CCL25: variants seen among roughly 807,000 people sequenced by gnomAD.
CCL25 encodes the protein C-C motif chemokine ligand 25, also known as C-C motif chemokine 25.
Under a neutral mutation model 19.9 loss-of-function variants are expected in CCL25, and 14 were observed. That is an observed-to-expected ratio of 0.70 (90% CI 0.47 to 1.10). The LOEUF is 1.10. CCL25 is among the 50% of genes least tolerant of loss of function. The pLI is 0.00. For synonymous variants in CCL25, 68 were observed against 73.2 expected (o/e 0.93, Z 0.36); for missense variants, 151 against 181.2 (o/e 0.83, Z 0.96).
chr19:8,060,256 A>T (rs546758323), intron 5 of CCL25, among the ~76,000 whole-genome samples: 45 of 152,050 alleles, frequency 3.0e-4, no homozygotes, highest in African/African-American at 1.1e-3. Flanking sequence ...TGAGAGGATT[A>T]CTTGAGCCCA....
In CCL25 at chr19:8,058,256, A is replaced by C. The variant is rs12461164; in HGVS notation, c.445+336A>C. The stretch of plus-strand genomic sequence containing the variant: ...ACATTGTGTGTGTGTGTCTCTCTCT[A>C]TATATACATATAAAATATATATAAG... On this transcript the variant is annotated intron_variant, in intron 5 of 5. Coordinates refer to ENST00000315626, the MANE Select transcript of CCL25 (RefSeq NM_005624.4). Among the ~76,000 whole-genome samples the C allele has an allele frequency of 6.0e-3, 872 of 144,886 alleles. 6 individuals are homozygous for C. The highest frequency in any genetic ancestry group is 8.9e-3 in the Non-Finnish European group (593 of 66,888).
chr19:8,052,429 G>A (rs917667519), upstream of CCL25, among the ~76,000 whole-genome samples: 2 of 151,996 alleles, frequency 1.3e-5, no homozygotes, highest in African/African-American at 2.4e-5. Context: ...TGGCTTGAGG[G>A]CGGGGGGAGC....
At chr19:8,056,308 A>C (rs2081271963) in intron 3 of CCL25, 39 bp downstream of exon 3, 1 of 1,604,662 alleles carries the variant, frequency 6.2e-7, no homozygotes, top group South Asian at 1.1e-5. Flanking sequence ...TGGGGTGCAC[A>C]CACAGCCTTG....
At chr19:8,053,611 C>T (rs1216310724) in intron 2 of CCL25, among the ~76,000 whole-genome samples, 7 of 148,870 alleles carry the variant, frequency 4.7e-5, no homozygotes, top group African/African-American at 1.5e-4. Context: ...TGCAGTGGCG[C>T]GATCTTGGCT....
intron 5 of CCL25, among the ~76,000 whole-genome samples, chr19:8,060,082 C>G (rs2081307248): frequency 6.6e-6 from 1 of 151,382 alleles, no homozygotes; most frequent in Admixed American, 6.6e-5. Flanking sequence ...GAGCGAGACT[C>G]TGTCTCTAAA....
At chr19:8,059,979 C>T (rs565060728) in intron 5 of CCL25, among the ~76,000 whole-genome samples, 4 of 151,948 alleles carry the variant, frequency 2.6e-5, no homozygotes, top group Non-Finnish European at 4.4e-5. Context: ...GTCCCAGTTA[C>T]TCTGGAGGCT....
intron 5 of CCL25, among the ~76,000 whole-genome samples, chr19:8,058,668 T>A (rs572638711): frequency 0.071 from 6,805 of 95,766 alleles, 289 homozygotes; most frequent in Non-Finnish European, 0.094. Context: ...TTTATTATTA[T>A]TTTTTTTTGA....
In CCL25 at chr19:8,058,063, A is replaced by C. The variant is rs1272968330; in HGVS notation, c.445+143A>C. Reference sequence around the variant, plus strand: ...TGTGCGGTCAGTGCCGCAGATTCACAGGGGAGGGTCCTCGGTGGCTGTCCA... The same window carrying C: ...TGTGCGGTCAGTGCCGCAGATTCACCGGGGAGGGTCCTCGGTGGCTGTCCA... On this transcript the variant is annotated intron_variant, in intron 5 of 5. Coordinates refer to ENST00000315626, the MANE Select transcript of CCL25 (RefSeq NM_005624.4). 9.4e-6 allele frequency: 13 copies of C among 1,377,284 alleles called. No homozygotes were observed. The East Asian group carries it at 3.5e-4, about 37-fold the overall frequency. The allele number at this position is 1,377,284 out of a possible 1,614,324, so 85.3% of individuals were successfully genotyped here. A position where few individuals can be genotyped will look rare whatever the true frequency, so the allele number is the denominator to read the frequency against.
intron 2 of CCL25, among the ~76,000 whole-genome samples, chr19:8,055,780 C>T (rs2081266722): frequency 6.6e-6 from 1 of 152,134 alleles, no homozygotes; most frequent in Non-Finnish European, 1.5e-5. Context: ...TGCCAATCAG[C>T]TCATTTTTAG....
intron 5 of CCL25, among the ~76,000 whole-genome samples, chr19:8,058,248 C>G (rs12460270): frequency 1.5e-5 from 2 of 129,774 alleles, no homozygotes; most frequent in Non-Finnish European, 3.5e-5. Flanking sequence ...GTGTGTGTGT[C>G]TCTCTCTATA....
rs1046937509 is a variant in CCL25, at chr19:8,060,944, T to TGCTG, written c.446-1272_446-1269dup. On this transcript the variant is annotated intron_variant, in intron 5 of 5. Coordinates refer to ENST00000315626, the MANE Select transcript of CCL25 (RefSeq NM_005624.4). The stretch of plus-strand genomic sequence containing the variant: ...ATCCACCAGCCTCAGCCTCCCAAAG[T>TGCTG]GCTGGGATTACAGGTGTGAGCCACC... Among the ~76,000 whole-genome samples the TGCTG allele has an allele frequency of 8.6e-5, 13 of 151,064 alleles. No individual in the cohort carries two copies. In the Admixed American group the frequency reaches 8.6e-4, roughly 10 times the overall value.
Position 8,057,896 on chromosome 19 carries a change from T to C in CCL25, c.421T>C (p.Ser141Pro), listed in dbSNP as rs369179808. The change falls in exon 5 of 6, where the codon TCC (serine) becomes CCC (proline). Residue 141 changes from serine to proline, a missense_variant. By Grantham distance (74) the Ser-to-Pro change is moderately conservative (BLOSUM62 -1). Coordinates refer to ENST00000315626, the MANE Select transcript of CCL25 (RefSeq NM_005624.4). ...NPISSSKRNV[S>P]LLISANSGL Reference sequence around the variant, plus strand: ...CATCAGCAGCAGTAAGAGGAATGTCTCCCTCCTGATATCAGCTAATTCAGG... The same window carrying C: ...CATCAGCAGCAGTAAGAGGAATGTCCCCCTCCTGATATCAGCTAATTCAGG... The C allele has an allele frequency of 1.2e-6, 2 of 1,612,834 alleles. No homozygotes were observed. Among genetic ancestry groups the C allele is most frequent in the Non-Finnish European group, 1.7e-6 (2 of 1,179,186 alleles).
intron 2 of CCL25, among the ~76,000 whole-genome samples, chr19:8,055,062 G>A (rs11668580): frequency 0.45 from 67,355 of 150,526 alleles, 15,917 homozygotes; most frequent in African/African-American, 0.62. Context: ...AGGCCAAGGC[G>A]GGTGGATCAC....
chr19:8,059,825 C>T (rs2081305618), intron 5 of CCL25, among the ~76,000 whole-genome samples: 1 of 151,888 alleles, frequency 6.6e-6, no homozygotes, highest in African/African-American at 2.4e-5. Context: ...CGCGGTGGCT[C>T]ATGCCTGTAA....
intron 5 of CCL25, among the ~76,000 whole-genome samples, chr19:8,061,501 T>C (rs145736869): frequency 6.6e-6 from 1 of 152,218 alleles, no homozygotes; most frequent in Non-Finnish European, 1.5e-5. Flanking sequence ...ATTAACTCCA[T>C]TGCCAACCTT....
chr19:8,052,916 G>T, intron 1 of CCL25, 84 bp from the exon 2 acceptor site: 2 of 565,180 alleles, frequency 3.5e-6, no homozygotes, highest in Non-Finnish European at 3.2e-6. Flanking sequence ...CTTGCCATAT[G>T]CCTGGGGCTT....
At chr19:8,059,509 A>C (rs1029878031) in intron 5 of CCL25, among the ~76,000 whole-genome samples, 1 of 151,942 alleles carries the variant, frequency 6.6e-6, no homozygotes, top group East Asian at 1.9e-4. Flanking sequence ...GACATTGTCT[A>C]TCTGGAGGTA....
At position 8,057,925 on chromosome 19, in the gene CCL25, G is replaced by A. The variant is rs752426181; in HGVS notation, c.445+5G>A. The A allele has an allele frequency of 1.2e-6, 2 of 1,610,704 alleles. No homozygotes were observed. Among genetic ancestry groups the A allele is most frequent in the Non-Finnish European group, 1.7e-6 (2 of 1,177,772 alleles). On this transcript the variant is annotated splice_donor_5th_base_variant and intron_variant, in intron 5 of 5. Coordinates refer to ENST00000315626, the MANE Select transcript of CCL25 (RefSeq NM_005624.4). ...TCCTGATATCAGCTAATTCAGGTAA[G>A]GACTCTTGGTCATGTGACTGTCTCC...
Position 8,062,494 on chromosome 19 carries a change from A to C in CCL25, c.*269A>C. 1 of 509,674 alleles carries C rather than the reference A, an allele frequency of 2.0e-6. No homozygotes were observed. The highest frequency in any genetic ancestry group is 3.3e-5 in the Admixed American group (1 of 30,324). The allele number at this position is 509,674 out of a possible 1,614,324, so 31.6% of individuals were successfully genotyped here. On this transcript the variant is annotated 3_prime_UTR_variant, in exon 6 of 6. Transcript: ENST00000315626. ...CCAGTGGCTCTTGTAGAGAAGACTTAGGATACCTCTCTCACTTTCTGTTTC... is the reference window on the plus strand; with the variant it reads ...CCAGTGGCTCTTGTAGAGAAGACTTCGGATACCTCTCTCACTTTCTGTTTC...
Sources: gnomAD v4.1 joint callset for allele counts (sites outside exome capture counted in the v4.1 genomes callset) on GRCh38, gnomAD v4.1.1 for gene constraint, MANE v1.5 for transcripts, NCBI Gene and HGNC (gene_info 2026-07-23, HGNC 2026-07-21) for gene names.